Variants in PTPRO observed in about 807,000 individuals in gnomAD.
The protein encoded by PTPRO is protein tyrosine phosphatase receptor type O.
In PTPRO, 62 loss-of-function variants were observed where a neutral mutation model predicts 145.2. The observed-to-expected ratio is 0.43, with a 90% CI of 0.35 to 0.53. The LOEUF (loss-of-function observed/expected upper bound fraction) is 0.53. Ranked by LOEUF, PTPRO falls within the 20% of genes least tolerant of loss-of-function variation. PTPRO has a pLI of 0.01. For synonymous variants in PTPRO, 565 were observed against 514.7 expected, an observed-to-expected ratio of 1.10 and a Z score of -1.32; for missense variants, 1,345 against 1,482.7, an observed-to-expected ratio of 0.91 and a Z score of 1.53.
intron 1 of PTPRO, among the ~76,000 whole-genome samples, chr12:15,371,423 G>A (rs1938527318): frequency 1.3e-5 from 2 of 152,108 alleles, no homozygotes; most frequent in African/African-American, 4.8e-5. Context: ...AGTAGCAACG[G>A]GGTTTCACTA....
At chr12:15,498,214 C>T (rs1232432112) in intron 3 of PTPRO, among the ~76,000 whole-genome samples, 1 of 152,198 alleles carries the variant, frequency 6.6e-6, no homozygotes, top group Non-Finnish European at 1.5e-5. Flanking sequence ...TGCTTTTACA[C>T]ACTCATTTCT....
At chr12:15,403,626 G>T (rs1939563482) in intron 1 of PTPRO, among the ~76,000 whole-genome samples, 1 of 152,028 alleles carries the variant, frequency 6.6e-6, no homozygotes, top group African/African-American at 2.4e-5. Flanking sequence ...TCCAATTTCA[G>T]CTTAATTATC....
chr12:15,521,611 T>C (rs2136516881), intron 10 of PTPRO, among the ~76,000 whole-genome samples: 1 of 152,262 alleles, frequency 6.6e-6, no homozygotes, highest in South Asian at 2.1e-4. Flanking sequence ...TGTCAAACTT[T>C]GAATTATCTT....
chr12:15,330,263 A>T (rs778587809), intron 1 of PTPRO, among the ~76,000 whole-genome samples: 1 of 152,226 alleles, frequency 6.6e-6, no homozygotes, highest in African/African-American at 2.4e-5. Flanking sequence ...CATTAGGGTG[A>T]CAGACAGTCA....
chr12:15,487,326 T>C (rs528022488), intron 2 of PTPRO, among the ~76,000 whole-genome samples: 1 of 152,262 alleles, frequency 6.6e-6, no homozygotes, highest in Non-Finnish European at 1.5e-5. Flanking sequence ...ACTGATACTC[T>C]ACTTTGTATT....
At chr12:15,372,221 T>A (rs2136260791) in intron 1 of PTPRO, among the ~76,000 whole-genome samples, 1 of 152,280 alleles carries the variant, frequency 6.6e-6, no homozygotes, top group South Asian at 2.1e-4. Flanking sequence ...CCTGAAAATA[T>A]TTTCTGCCCT....
chr12:15,580,142 C>T, intron 21 of PTPRO, 27 bp downstream of exon 21: 1 of 1,560,252 alleles, frequency 6.4e-7, no homozygotes, highest in Non-Finnish European at 8.8e-7. Flanking sequence ...AATCAGGCAT[C>T]CCAAAGCTAA....
chr12:15,518,669 C>G (rs1008294228), intron 9 of PTPRO, among the ~76,000 whole-genome samples: 1 of 152,188 alleles, frequency 6.6e-6, no homozygotes, highest in Non-Finnish European at 1.5e-5. Context: ...GCCAGATACC[C>G]TAAATCATCT....
intron 1 of PTPRO, among the ~76,000 whole-genome samples, chr12:15,468,907 A>T (rs1313040258): frequency 6.6e-6 from 1 of 152,204 alleles, no homozygotes; most frequent in Non-Finnish European, 1.5e-5. Flanking sequence ...GTGAAGGTGG[A>T]GGGCTTATTA....
intron 1 of PTPRO, among the ~76,000 whole-genome samples, chr12:15,352,800 A>G (rs1260874412): frequency 1.3e-5 from 2 of 152,176 alleles, no homozygotes; most frequent in African/African-American, 4.8e-5. Flanking sequence ...ATACACACGA[A>G]TTGGAAGAAT....
intron 1 of PTPRO, among the ~76,000 whole-genome samples, chr12:15,386,223 A>T (rs1335937718): frequency 1.3e-5 from 2 of 152,192 alleles, no homozygotes; most frequent in South Asian, 4.1e-4. Context: ...CAGTTGCATG[A>T]GATTTCAGAT....
chr12:15,430,941 T>C (rs1238908189), intron 1 of PTPRO, among the ~76,000 whole-genome samples: 1 of 152,216 alleles, frequency 6.6e-6, no homozygotes, highest in Non-Finnish European at 1.5e-5. Flanking sequence ...CTTGACTTTG[T>C]TAAAGACAGA....
chr12:15,442,622 A>G, intron 1 of PTPRO, among the ~76,000 whole-genome samples: 1 of 152,154 alleles, frequency 6.6e-6, no homozygotes, highest in East Asian at 1.9e-4. Context: ...GCCTCTTGGA[A>G]CTGATAAATG....
intron 1 of PTPRO, among the ~76,000 whole-genome samples, chr12:15,459,175 C>T (rs1941246937): frequency 6.6e-6 from 1 of 152,136 alleles, no homozygotes. Flanking sequence ...AATATGTGAT[C>T]CAACTCTTTT....
intron 1 of PTPRO, among the ~76,000 whole-genome samples, chr12:15,389,023 A>AT (rs566122678): frequency 8.0e-5 from 12 of 149,642 alleles, no homozygotes; most frequent in East Asian, 5.9e-4. Flanking sequence ...TTTTGATGGT[A>AT]TTTTTTTTTC....
chr12:15,545,165 C>T (rs1236564117), intron 12 of PTPRO, among the ~76,000 whole-genome samples: 2 of 151,978 alleles, frequency 1.3e-5, no homozygotes, highest in African/African-American at 4.8e-5. Context: ...AAATGGCTGA[C>T]AGGACTTTTT....
intron 1 of PTPRO, among the ~76,000 whole-genome samples, chr12:15,375,165 A>G (rs933768129): frequency 1.3e-5 from 2 of 152,220 alleles, no homozygotes; most frequent in African/African-American, 2.4e-5. Context: ...TCTCTAAACA[A>G]CAAACAGCAA....
intron 10 of PTPRO, among the ~76,000 whole-genome samples, chr12:15,521,146 G>A (rs892904698): frequency 4.6e-5 from 7 of 151,786 alleles, no homozygotes; most frequent in Admixed American, 3.9e-4. Context: ...GAAAACAGAG[G>A]AGAAAAATAC....
chr12:15,384,648 C>T (rs1232923377), intron 1 of PTPRO, among the ~76,000 whole-genome samples: 1 of 152,138 alleles, frequency 6.6e-6, no homozygotes, highest in East Asian at 1.9e-4. Context: ...TCTCCAAATG[C>T]CGTTACATTG....
Sources: gnomAD v4.1 joint callset for allele counts (sites outside exome capture counted in the v4.1 genomes callset) on GRCh38, gnomAD v4.1.1 for gene constraint, MANE v1.5 for transcripts, NCBI Gene and HGNC (gene_info 2026-07-23, HGNC 2026-07-21) for gene names.